The following IL1RAPL1 variants were observed in gnomAD, a reference collection of about 807,000 sequenced individuals.
The protein encoded by IL1RAPL1 is interleukin 1 receptor accessory protein like 1.
IL1RAPL1 carries 3 observed loss-of-function variants against 48.4 expected under a neutral mutation model. The observed-to-expected ratio is 0.06, with a 90% CI of 0.03 to 0.16. The LOEUF (loss-of-function observed/expected upper bound fraction) is 0.16. IL1RAPL1 is among the 10% of genes least tolerant of loss of function. IL1RAPL1 has a pLI of 1.00. For missense variants in IL1RAPL1, 349 were observed against 530.6 expected, an observed-to-expected ratio of 0.66 and a Z score of 3.36; for synonymous variants, 185 against 187.7, an observed-to-expected ratio of 0.99 and a Z score of 0.12.
At chrX:29,822,956 G>C (rs1281186503) in intron 6 of IL1RAPL1, among the ~76,000 whole-genome samples, 1 of 111,664 alleles carries the variant, frequency 9.0e-6, no homozygotes, top group Non-Finnish European at 1.9e-5. Context: ...AATAGGAAAT[G>C]GTGTGGCCAA....
intron 5 of IL1RAPL1, among the ~76,000 whole-genome samples, chrX:29,604,380 T>A (rs2147063895): frequency 8.9e-6 from 1 of 112,549 alleles, no homozygotes; most frequent in East Asian, 2.8e-4. Flanking sequence ...TCCAATGGAT[T>A]TGACTTGTGT....
intron 3 of IL1RAPL1, among the ~76,000 whole-genome samples, chrX:29,366,834 TG>T (rs1287475028): frequency 9.0e-6 from 1 of 111,094 alleles, no homozygotes; most frequent in Non-Finnish European, 1.9e-5. Flanking sequence ...CCCAAAGTGC[TG>T]GGATTGCAGG....
At chrX:28,683,502 C>T (rs182932130) in intron 1 of IL1RAPL1, among the ~76,000 whole-genome samples, 1 of 111,692 alleles carries the variant, frequency 9.0e-6, no homozygotes, top group Non-Finnish European at 1.9e-5. Context: ...TAGAAAGAGA[C>T]TGGTTTAAAG....
intron 1 of IL1RAPL1, among the ~76,000 whole-genome samples, chrX:28,768,723 C>G (rs1471320716): frequency 5.6e-5 from 4 of 71,471 alleles, no homozygotes; most frequent in East Asian, 9.9e-4. Flanking sequence ...CTCTCTCTCT[C>G]TCTCTGTCTC....
chrX:28,974,647 G>A (rs2147370952), intron 2 of IL1RAPL1, among the ~76,000 whole-genome samples: 1 of 111,695 alleles, frequency 9.0e-6, no homozygotes, highest in South Asian at 3.8e-4. Context: ...ATCCCTGTGA[G>A]GGCTGGTATT....
intron 1 of IL1RAPL1, among the ~76,000 whole-genome samples, chrX:28,689,251 G>A (rs1235100720): frequency 9.0e-6 from 1 of 110,919 alleles, no homozygotes; most frequent in African/African-American, 3.3e-5. Context: ...TCATGGGTGG[G>A]ACCAGGTGAA....
At chrX:29,769,432 T>G (rs1365661596) in intron 6 of IL1RAPL1, among the ~76,000 whole-genome samples, 20 of 47,800 alleles carry the variant, frequency 4.2e-4, no homozygotes, top group Non-Finnish European at 6.6e-4. Flanking sequence ...AAACAGTTTT[T>G]TTTTTTTTTT....
At chrX:29,793,744 TA>T (rs1357525522) in intron 6 of IL1RAPL1, among the ~76,000 whole-genome samples, 2 of 112,413 alleles carry the variant, frequency 1.8e-5, no homozygotes, top group African/African-American at 6.5e-5. Context: ...ATATTGGAAT[TA>T]AAACATACTC....
chrX:29,550,599 A>G (rs892401200), intron 5 of IL1RAPL1, among the ~76,000 whole-genome samples: 1 of 111,745 alleles, frequency 8.9e-6, no homozygotes, highest in Non-Finnish European at 1.9e-5. Context: ...TTCTTTAAAA[A>G]TCCTTAACTT....
At chrX:29,116,214 T>C (rs1161767116) in intron 2 of IL1RAPL1, among the ~76,000 whole-genome samples, 2 of 111,292 alleles carry the variant, frequency 1.8e-5, no homozygotes, top group Non-Finnish European at 3.8e-5. Flanking sequence ...TGATACTTTG[T>C]CCAATAGCAA....
intron 1 of IL1RAPL1, among the ~76,000 whole-genome samples, chrX:28,637,672 A>T (rs1380320514): frequency 8.9e-6 from 1 of 112,329 alleles, no homozygotes; most frequent in African/African-American, 3.2e-5. Context: ...GGATATTTTC[A>T]GGGAAAAAAG....
At chrX:28,704,631 A>T (rs1935345179) in intron 1 of IL1RAPL1, among the ~76,000 whole-genome samples, 1 of 108,838 alleles carries the variant, frequency 9.2e-6, no homozygotes, top group Non-Finnish European at 1.9e-5. Flanking sequence ...TTACAAGGAG[A>T]TTAACATCAA....
intron 3 of IL1RAPL1, among the ~76,000 whole-genome samples, chrX:29,299,074 G>A (rs1932493946): frequency 1.8e-5 from 2 of 108,682 alleles, no homozygotes; most frequent in South Asian, 8.1e-4. Context: ...AAAAAAACAC[G>A]TGAAAGGACT....
intron 3 of IL1RAPL1, among the ~76,000 whole-genome samples, chrX:29,352,939 C>G (rs1243059861): frequency 9.0e-6 from 1 of 111,648 alleles, no homozygotes; most frequent in Non-Finnish European, 1.9e-5. Context: ...TTTAACATTT[C>G]AAATTTCTTG....
chrX:29,384,241 G>A (rs1933746899), intron 3 of IL1RAPL1, among the ~76,000 whole-genome samples: 1 of 111,243 alleles, frequency 9.0e-6, no homozygotes, highest in African/African-American at 3.3e-5. Flanking sequence ...AGCAACATTA[G>A]GAAACCACTA....
intron 1 of IL1RAPL1, among the ~76,000 whole-genome samples, chrX:28,785,812 G>T (rs1479837934): frequency 8.9e-6 from 1 of 112,040 alleles, no homozygotes; most frequent in Non-Finnish European, 1.9e-5. Flanking sequence ...TTATTGGTTT[G>T]TGAGCCTTTT....
chrX:29,661,962 T>TCC (rs1925859296), intron 5 of IL1RAPL1, among the ~76,000 whole-genome samples: 2 of 111,395 alleles, frequency 1.8e-5, no homozygotes, highest in African/African-American at 6.5e-5. Flanking sequence ...CCTCTCTGCC[T>TCC]CCACACCACT....
intron 1 of IL1RAPL1, among the ~76,000 whole-genome samples, chrX:28,639,238 T>C (rs1277373669): frequency 1.8e-5 from 2 of 112,204 alleles, no homozygotes; most frequent in Non-Finnish European, 3.8e-5. Flanking sequence ...TTCAGAATTG[T>C]ATAAAAGGCA....
At chrX:29,345,233 T>A (rs1228020614) in intron 3 of IL1RAPL1, among the ~76,000 whole-genome samples, 1 of 112,099 alleles carries the variant, frequency 8.9e-6, no homozygotes, top group East Asian at 2.8e-4. Flanking sequence ...ATCATGAATT[T>A]TAATAGATAC....
Sources: allele counts gnomAD v4.1 joint callset (sites outside exome capture counted in the v4.1 genomes callset), GRCh38; gene constraint gnomAD v4.1.1; transcripts MANE v1.5; gene names NCBI Gene and HGNC (gene_info 2026-07-23, HGNC 2026-07-21).